SLC7A2: variants seen among roughly 807,000 people sequenced by gnomAD.
SLC7A2 encodes the protein cationic amino acid transporter 2.
Under a neutral mutation model 58.9 loss-of-function variants are expected in SLC7A2, and 48 were observed. That is an observed-to-expected ratio of 0.82 (90% CI 0.65 to 1.04). The LOEUF (loss-of-function observed/expected upper bound fraction) is 1.04. SLC7A2 is among the 50% of genes least tolerant of loss of function. The probability of loss-of-function intolerance (pLI) is 0.00; values close to 1 mark genes in which losing one functional copy is unlikely to be tolerated. For missense variants in SLC7A2, 1,029 were observed against 818.8 expected, an observed-to-expected ratio of 1.26 and a Z score of -3.13; for synonymous variants, 363 against 314.5, an observed-to-expected ratio of 1.15 and a Z score of -1.63.
At chr8:17,547,304 C>T (rs924456874) in intron 4 of SLC7A2, among the ~76,000 whole-genome samples, 1 of 152,080 alleles carries the variant, frequency 6.6e-6, no homozygotes, top group African/African-American at 2.4e-5. Flanking sequence ...ATAAAACCAT[C>T]AGATCTCATG....
intron 2 of SLC7A2, among the ~76,000 whole-genome samples, chr8:17,517,467 G>A (rs1345281530): frequency 2.0e-5 from 3 of 152,136 alleles, no homozygotes; most frequent in African/African-American, 7.2e-5. Flanking sequence ...AATGTTACAT[G>A]TTTTGGTGAA....
At chr8:17,549,638 G>A (rs937053353) in intron 5 of SLC7A2, among the ~76,000 whole-genome samples, 4 of 152,086 alleles carry the variant, frequency 2.6e-5, no homozygotes, top group Non-Finnish European at 4.4e-5. Context: ...TTCAGACCTT[G>A]TTTTTTGGAG....
In SLC7A2 at chr8:17,554,661, C is replaced by T. The variant is rs201291984; in HGVS notation, c.1157C>T (p.Thr386Ile). 5.1e-5 allele frequency: 82 copies of T among 1,613,080 alleles called. No individual in the cohort carries two copies. Among genetic ancestry groups the T allele is most frequent in the Non-Finnish European group, 6.4e-5 (75 of 1,179,798 alleles). The part of the protein sequence containing the change: ...CLAQINSKTK[T>I]PIIATLSSGA... The stretch of plus-strand genomic sequence containing the variant: ...GCTCAAATCAATTCCAAAACGAAGA[C>T]ACCAATAATTGCTACTTTATCATCG... The change falls in exon 8 of 13, where the codon ACA (threonine) becomes ATA (isoleucine). Residue 386 changes from threonine (T) to isoleucine (I), a missense_variant. Thr to Ile is a moderately conservative substitution (Grantham distance 89). Coordinates refer to ENST00000494857, the MANE Select transcript of SLC7A2 (RefSeq NM_001370338.1).
At chr8:17,495,217 C>T (rs1799928391), upstream of SLC7A2, among the ~76,000 whole-genome samples, 1 of 152,120 alleles carries the variant, frequency 6.6e-6, no homozygotes, top group Non-Finnish European at 1.5e-5. Flanking sequence ...CCAGGGCAAC[C>T]GCCCTGAGCC....
At chr8:17,512,286 C>G (rs890473582) in intron 2 of SLC7A2, among the ~76,000 whole-genome samples, 4 of 152,078 alleles carry the variant, frequency 2.6e-5, no homozygotes, top group Non-Finnish European at 5.9e-5. Context: ...ACAGCTCACC[C>G]CTGTAATCCT....
intron 2 of SLC7A2, among the ~76,000 whole-genome samples, chr8:17,528,803 T>C (rs909826286): frequency 6.6e-6 from 1 of 152,154 alleles, no homozygotes; most frequent in African/African-American, 2.4e-5. Flanking sequence ...TTTCTTTATT[T>C]GTTCTTAGGG....
intron 8 of SLC7A2, among the ~76,000 whole-genome samples, chr8:17,557,008 G>T (rs1465377152): frequency 6.6e-6 from 1 of 152,142 alleles, no homozygotes; most frequent in Non-Finnish European, 1.5e-5. Flanking sequence ...TGCCCCGACG[G>T]GTAGTCGTGG....
chr8:17,555,984 T>C (rs1276272675), intron 8 of SLC7A2, among the ~76,000 whole-genome samples: 1 of 152,210 alleles, frequency 6.6e-6, no homozygotes, highest in African/African-American at 2.4e-5. Flanking sequence ...GTTAGGAAAT[T>C]AGCTTAGAAA....
chr8:17,565,224 C>A lies in SLC7A2; in HGVS notation c.*78C>A. The A allele has an allele frequency of 8.5e-7, 1 of 1,170,474 alleles. No homozygotes were observed. The highest frequency in any genetic ancestry group is 1.2e-6 in the Non-Finnish European group (1 of 827,264). 72.5% of individuals were successfully genotyped at this position (1,170,474 alleles called of 1,614,324 possible). Reference sequence around the variant, plus strand: ...GTAAACCGTAACGGGATGTCATCAGCATGCTGGGTTGTCATGGGTTTGCTG... The same window carrying A: ...GTAAACCGTAACGGGATGTCATCAGAATGCTGGGTTGTCATGGGTTTGCTG... On this transcript the variant is annotated 3_prime_UTR_variant, in exon 13 of 13. Coordinates refer to ENST00000494857, the MANE Select transcript of SLC7A2 (RefSeq NM_001370338.1).
intron 2 of SLC7A2, among the ~76,000 whole-genome samples, chr8:17,532,880 C>T (rs1272240963): frequency 1.3e-5 from 2 of 152,118 alleles, no homozygotes; most frequent in Admixed American, 1.3e-4. Context: ...TTCTTTTTAA[C>T]AACACTCATT....
chr8:17,529,987 C>T (rs755548350), intron 2 of SLC7A2, among the ~76,000 whole-genome samples: 15 of 152,240 alleles, frequency 9.9e-5, no homozygotes, highest in East Asian at 5.8e-4. Context: ...CAACCTAATA[C>T]GTCTTGAAGG....
chr8:17,559,248 A>T (rs1269675346), intron 9 of SLC7A2, among the ~76,000 whole-genome samples: 1 of 152,224 alleles, frequency 6.6e-6, no homozygotes, highest in Admixed American at 6.5e-5. Context: ...GCTAATAAAG[A>T]CATACCCAAG....
chr8:17,562,994 T>A (rs957592079), intron 11 of SLC7A2, among the ~76,000 whole-genome samples: 4 of 152,026 alleles, frequency 2.6e-5, no homozygotes, highest in African/African-American at 9.7e-5. Context: ...AACAAACAAA[T>A]TAGCTGCGTG....
At chr8:17,509,386 A>C (rs2150662861) in intron 2 of SLC7A2, among the ~76,000 whole-genome samples, 1 of 151,988 alleles carries the variant, frequency 6.6e-6, no homozygotes, top group South Asian at 2.1e-4. Context: ...GCTCATTGCA[A>C]CCTCCGCCTC....
At chr8:17,517,713 A>G (rs536893335) in intron 2 of SLC7A2, among the ~76,000 whole-genome samples, 10 of 152,232 alleles carry the variant, frequency 6.6e-5, no homozygotes, top group East Asian at 1.9e-4. Flanking sequence ...ATGAATTTGA[A>G]AAGTTAAAAT....
chr8:17,560,272 C>T, intron 9 of SLC7A2, 56 bp from the exon 10 acceptor site: 1 of 1,392,952 alleles, frequency 7.2e-7, no homozygotes, highest in Non-Finnish European at 1.0e-6. Flanking sequence ...GTGCTGGTTT[C>T]ACTTGGGCCA....
intron 9 of SLC7A2, 22 bp from the exon 10 acceptor site, chr8:17,560,306 A>G (rs776541272): frequency 9.4e-6 from 15 of 1,591,640 alleles, no homozygotes; most frequent in East Asian, 6.7e-5. Flanking sequence ...GAATAAAGAC[A>G]TAGATGTTTG....
At chr8:17,563,752 G>A in intron 12 of SLC7A2, 41 bp downstream of exon 12, 2 of 1,193,456 alleles carry the variant, frequency 1.7e-6, no homozygotes, top group Non-Finnish European at 2.5e-6. Flanking sequence ...TATTTCATGT[G>A]CTGTGATGAG....
At chr8:17,517,023 G>A (rs1585197091) in intron 2 of SLC7A2, among the ~76,000 whole-genome samples, 1 of 152,140 alleles carries the variant, frequency 6.6e-6, no homozygotes, top group East Asian at 1.9e-4. Context: ...GCAGAAGCAG[G>A]CTTGTGCTGT....
Sources: allele counts gnomAD v4.1 joint callset (sites outside exome capture counted in the v4.1 genomes callset), GRCh38; gene constraint gnomAD v4.1.1; transcripts MANE v1.5; gene names NCBI Gene and HGNC (gene_info 2026-07-23, HGNC 2026-07-21).